Variants in QKI observed in about 807,000 individuals in gnomAD.
QKI encodes the protein QKI, KH domain containing RNA binding.
In QKI, 10 loss-of-function variants were observed where a neutral mutation model predicts 39.0. The observed-to-expected ratio is 0.26, with a 90% CI of 0.16 to 0.43. The LOEUF is 0.43. Ranked by LOEUF, QKI falls within the 20% of genes least tolerant of loss-of-function variation. QKI has a pLI of 1.00. For synonymous variants in QKI, 204 were observed against 155.4 expected, an observed-to-expected ratio of 1.31 and a Z score of -2.33; for missense variants, 218 against 428.0, an observed-to-expected ratio of 0.51 and a Z score of 4.33.
intron 7 of QKI, chr6:163,569,018 C>G: frequency 1.0e-6 from 1 of 979,048 alleles, no homozygotes; most frequent in Non-Finnish European, 1.2e-6. Context: ...AATACAAAAA[C>G]CATCACTTAC....
chr6:163,549,447 A>C (rs1021722036), intron 4 of QKI, among the ~76,000 whole-genome samples: 1 of 152,210 alleles, frequency 6.6e-6, no homozygotes, highest in Admixed American at 6.5e-5. Flanking sequence ...ATGGTGGCTC[A>C]TGCCTGTAAT....
chr6:163,464,140 C>T (rs1361395071), intron 2 of QKI, among the ~76,000 whole-genome samples: 1 of 152,162 alleles, frequency 6.6e-6, no homozygotes, highest in Non-Finnish European at 1.5e-5. Flanking sequence ...GCAGGTCATT[C>T]TCTGAAGTCA....
chr6:163,482,176 C>T (rs938975566), intron 3 of QKI, among the ~76,000 whole-genome samples: 5 of 151,990 alleles, frequency 3.3e-5, no homozygotes, highest in African/African-American at 4.8e-5. Flanking sequence ...CAGAACGAGA[C>T]TCTGTCTCGG....
Position 163,425,238 on chromosome 6 carries a change from A to T in QKI, c.142+9903A>T, listed in dbSNP as rs1788320598. On this transcript the variant is annotated intron_variant, in intron 1 of 7. Coordinates refer to ENST00000361752, the MANE Select transcript of QKI (RefSeq NM_006775.3). ...GTTCCAGGAGAAGGGAAGGTGCAGC[A>T]TTGCCAGCACCATGGTGATGGGCAA... Among the ~76,000 whole-genome samples the T allele has an allele frequency of 2.0e-5, 3 of 152,196 alleles. No individual in the cohort carries two copies. The South Asian group carries it at 6.2e-4, about 31-fold the overall frequency.
chr6:163,568,173 A>G, intron 7 of QKI: 4 of 984,972 alleles, frequency 4.1e-6, no homozygotes, highest in Non-Finnish European at 4.8e-6. Flanking sequence ...AAACTGGACA[A>G]TTCCATGAAT....
chr6:163,527,473 A>AGAGCACAGTAG (rs1780586032), intron 3 of QKI, among the ~76,000 whole-genome samples: 1 of 152,162 alleles, frequency 6.6e-6, no homozygotes, highest in African/African-American at 2.4e-5. Context: ...TTTCACATTA[A>AGAGCACAGTAG]GAGCACAGTA....
chr6:163,501,195 C>CA (rs1778734926), intron 3 of QKI, among the ~76,000 whole-genome samples: 2 of 151,782 alleles, frequency 1.3e-5, no homozygotes, highest in South Asian at 4.1e-4. Context: ...TTTGGCCACT[C>CA]AAAGTGCTCC....
At chr6:163,520,175 T>G (rs1033432825) in intron 3 of QKI, among the ~76,000 whole-genome samples, 16 of 152,178 alleles carry the variant, frequency 1.1e-4, no homozygotes, top group African/African-American at 3.6e-4. Context: ...TGATTTTTAA[T>G]GAAGGAATAA....
intron 2 of QKI, among the ~76,000 whole-genome samples, chr6:163,477,680 T>C (rs943281068): frequency 3.3e-5 from 5 of 152,200 alleles, no homozygotes; most frequent in African/African-American, 1.2e-4. Context: ...ATAAGATGTA[T>C]GAAAATCCCC....
At chr6:163,563,848 A>C in intron 6 of QKI, 129 bp downstream of exon 6, 13 of 1,462,734 alleles carry the variant, frequency 8.9e-6, no homozygotes, top group Non-Finnish European at 1.2e-5. Context: ...CCGAAAACTA[A>C]ATTTTGTTTT....
At chr6:163,533,729 C>G (rs540130832) in intron 3 of QKI, among the ~76,000 whole-genome samples, 2 of 152,208 alleles carry the variant, frequency 1.3e-5, no homozygotes, top group African/African-American at 2.4e-5. Context: ...TGTGCTGACT[C>G]AGAGTTCACT....
chr6:163,568,688 C>G, intron 7 of QKI: 1 of 984,398 alleles, frequency 1.0e-6, no homozygotes, highest in East Asian at 1.1e-4. Flanking sequence ...TCATTTAATG[C>G]AAAAAAACTC....
chr6:163,462,391 A>T (rs549841242), intron 2 of QKI, among the ~76,000 whole-genome samples: 4 of 152,218 alleles, frequency 2.6e-5, no homozygotes, highest in Non-Finnish European at 5.9e-5. Context: ...AGTGTCATCA[A>T]TAAGCAGCCT....
intron 4 of QKI, among the ~76,000 whole-genome samples, chr6:163,541,187 CAA>C (rs1268360628): frequency 6.6e-6 from 1 of 151,970 alleles, no homozygotes; most frequent in Non-Finnish European, 1.5e-5. Context: ...TCATTCAGTG[CAA>C]AAGTTTTTTC....
In QKI at chr6:163,577,979, A is replaced by G. The variant is rs547190544; in HGVS notation, c.*7269A>G. 6.6e-6 allele frequency: 1 copy of G among 152,328 alleles called. No individual in the cohort carries two copies. Among genetic ancestry groups the G allele is most frequent in the East Asian group, 1.9e-4 (1 of 5,186 alleles). The allele number at this position is 152,328 out of a possible 1,614,324, so 9.4% of individuals were successfully genotyped here. ...TGACCATCTAATAGTTGTACTATAC[A>G]TATGTCTAAAATAATAGTCATGGTA... On this transcript the variant is annotated 3_prime_UTR_variant, in exon 8 of 8. Coordinates refer to ENST00000361752, the MANE Select transcript of QKI (RefSeq NM_006775.3).
intron 1 of QKI, among the ~76,000 whole-genome samples, chr6:163,443,206 C>G (rs1005817852): frequency 6.6e-6 from 1 of 152,162 alleles, no homozygotes; most frequent in Non-Finnish European, 1.5e-5. Flanking sequence ...TTTTATTTTT[C>G]GAATTCAATG....
chr6:163,496,507 T>G (rs1778421017), intron 3 of QKI, among the ~76,000 whole-genome samples: 1 of 152,208 alleles, frequency 6.6e-6, no homozygotes, highest in African/African-American at 2.4e-5. Flanking sequence ...AGTAGTCTTC[T>G]GATTTCCTTA....
At chr6:163,455,204 G>A in intron 1 of QKI, 75 bp from the exon 2 acceptor site, 1 of 1,230,092 alleles carries the variant, frequency 8.1e-7, no homozygotes, top group Non-Finnish European at 1.1e-6. Flanking sequence ...ACCCTCCCCT[G>A]CCCTCTCTTT....
chr6:163,470,905 A>C (rs1273271635), intron 2 of QKI, among the ~76,000 whole-genome samples: 1 of 152,068 alleles, frequency 6.6e-6, no homozygotes, highest in East Asian at 1.9e-4. Context: ...AAAATTTAAT[A>C]TATGTAGTTG....
Sources: gnomAD v4.1 joint callset for allele counts (sites outside exome capture counted in the v4.1 genomes callset) on GRCh38, gnomAD v4.1.1 for gene constraint, MANE v1.5 for transcripts, NCBI Gene and HGNC (gene_info 2026-07-23, HGNC 2026-07-21) for gene names.